The following ASCC1 variants were observed in gnomAD, a reference collection of about 807,000 sequenced individuals.
ASCC1 encodes activating signal cointegrator 1 complex subunit 1.
ASCC1 carries 35 observed loss-of-function variants against 46.6 expected under a neutral mutation model. The observed-to-expected ratio is 0.75, with a 90% CI of 0.57 to 0.99. The LOEUF (loss-of-function observed/expected upper bound fraction) is 0.99, where lower values mean the gene tolerates loss of function less well. ASCC1 is among the 50% of genes least tolerant of loss of function. The pLI is 0.00. For synonymous variants in ASCC1, 143 were observed against 146.6 expected, an observed-to-expected ratio of 0.98 and a Z score of 0.18; for missense variants, 376 against 428.7, an observed-to-expected ratio of 0.88 and a Z score of 1.09.
intron 9 of ASCC1, among the ~76,000 whole-genome samples, chr10:72,115,754 T>G (rs1280289732): frequency 6.6e-6 from 1 of 152,142 alleles, no homozygotes; most frequent in Non-Finnish European, 1.5e-5. Flanking sequence ...AGAGAATAAA[T>G]AGGGACTAGT....
At chr10:72,102,778 C>T (rs1475946376) in intron 9 of ASCC1, 8 of 348,216 alleles carry the variant, frequency 2.3e-5, no homozygotes, top group African/African-American at 4.3e-5. Flanking sequence ...AGCTCAAGAC[C>T]AGCCTGGCCA....
chr10:72,215,123 G>A (rs938520546), intron 1 of ASCC1, among the ~76,000 whole-genome samples: 1 of 152,170 alleles, frequency 6.6e-6, no homozygotes, highest in Non-Finnish European at 1.5e-5. Context: ...TCAAGCCAAC[G>A]TGGGCGCGGT....
chr10:72,121,698 C>T (rs1203696091), intron 9 of ASCC1, among the ~76,000 whole-genome samples: 2 of 152,110 alleles, frequency 1.3e-5, no homozygotes, highest in Non-Finnish European at 1.5e-5. Context: ...TCCAAGAAGA[C>T]CTAACAATCC....
rs112465747 is a variant in ASCC1, at chr10:72,141,796, T to C, written c.747-8615A>G. On this transcript the variant is annotated intron_variant, in intron 7 of 9. Coordinates refer to ENST00000672957, the MANE Select transcript of ASCC1 (RefSeq NM_001198800.3). ...TGCCTGGTACTTTGTAGATACTAAA[T>C]TATTTATTTTTGGATATTTATCTTT... Among the ~76,000 whole-genome samples, 522 of 152,336 alleles carry C rather than the reference T, an allele frequency of 3.4e-3. 8 individuals carry two copies. The highest frequency in any genetic ancestry group is 0.011 in the African/African-American group (477 of 41,586).
chr10:72,174,415 T>G (rs933376590), intron 5 of ASCC1, among the ~76,000 whole-genome samples: 2 of 152,202 alleles, frequency 1.3e-5, no homozygotes, highest in Non-Finnish European at 2.9e-5. Context: ...TGGTCCATCA[T>G]GAAGCATTCT....
chr10:72,163,045 T>C (rs193182068), intron 5 of ASCC1, among the ~76,000 whole-genome samples: 1 of 152,094 alleles, frequency 6.6e-6, no homozygotes, highest in Admixed American at 6.5e-5. Context: ...CATTAGTCAC[T>C]TAGGGAAATG....
At chr10:72,188,537 G>A (rs112405195) in intron 5 of ASCC1, among the ~76,000 whole-genome samples, 11 of 152,218 alleles carry the variant, frequency 7.2e-5, no homozygotes, top group African/African-American at 2.4e-4. Context: ...AGGAGAAAGG[G>A]AAAGGGAAGG....
intron 3 of ASCC1, chr10:72,204,295 A>T: frequency 1.9e-6 from 2 of 1,036,228 alleles, no homozygotes; most frequent in South Asian, 1.7e-5. Context: ...AAAAATTAGA[A>T]TATCTGAGGA....
Position 72,097,156 on chromosome 10 carries a change from T to C in ASCC1, c.*178A>G, listed in dbSNP as rs1490742747. 1 of 700,954 alleles carries C rather than the reference T, an allele frequency of 1.4e-6. No homozygotes were observed. The highest frequency in any genetic ancestry group is 2.8e-5 in the East Asian group (1 of 36,342). The allele number at this position is 700,954 out of a possible 1,614,324, so 43.4% of individuals were successfully genotyped here. On this transcript the variant is annotated 3_prime_UTR_variant, in exon 10 of 10. Transcript: ENST00000672957. ...CAAATTCTCCTTATGCCCACCACCATCTCAGCTGGTAGTATGACGGGTGTA... is the reference window on the plus strand; with the variant it reads ...CAAATTCTCCTTATGCCCACCACCACCTCAGCTGGTAGTATGACGGGTGTA...
chr10:72,214,072 G>A (rs1024502442), intron 1 of ASCC1, among the ~76,000 whole-genome samples: 7 of 151,550 alleles, frequency 4.6e-5, no homozygotes, highest in African/African-American at 1.7e-4. Context: ...AGAGAAAAGG[G>A]CCAGGCATGG....
chr10:72,153,419 TTTTG>T (rs201214513), intron 6 of ASCC1, among the ~76,000 whole-genome samples: 3,732 of 151,774 alleles, frequency 0.025, 182 homozygotes, highest in African/African-American at 0.087. Flanking sequence ...TTATTTACTT[TTTTG>T]TTTGTTTGTT....
At chr10:72,161,705 C>G (rs751992682) in intron 5 of ASCC1, 31 bp from the exon 6 acceptor site, 1 of 1,613,786 alleles carries the variant, frequency 6.2e-7, no homozygotes, top group South Asian at 1.1e-5. Flanking sequence ...ACAAGAAACT[C>G]AGCCCATACA....
chr10:72,153,647 C>G (rs1025060273), intron 6 of ASCC1, among the ~76,000 whole-genome samples: 2 of 151,742 alleles, frequency 1.3e-5, no homozygotes, highest in Non-Finnish European at 2.9e-5. Flanking sequence ...AGGATGGCCT[C>G]GATCTCCTGA....
At chr10:72,188,915 G>A (rs904018131) in intron 5 of ASCC1, among the ~76,000 whole-genome samples, 8 of 152,004 alleles carry the variant, frequency 5.3e-5, no homozygotes, top group African/African-American at 1.9e-4. Context: ...TGCCACCACT[G>A]CGAGCTAATT....
chr10:72,098,716 A>C (rs534419709), intron 9 of ASCC1, among the ~76,000 whole-genome samples: 1 of 152,376 alleles, frequency 6.6e-6, no homozygotes, highest in African/African-American at 2.4e-5. Flanking sequence ...AACTTTATAA[A>C]GCCCAGTAAA....
chr10:72,143,191 A>G (rs1847238431), intron 7 of ASCC1, among the ~76,000 whole-genome samples: 1 of 151,676 alleles, frequency 6.6e-6, no homozygotes, highest in Admixed American at 6.6e-5. Context: ...AAGGTATTAA[A>G]TGTGTTATTA....
At chr10:72,112,085 GT>G (rs1033781014) in intron 9 of ASCC1, among the ~76,000 whole-genome samples, 7 of 152,322 alleles carry the variant, frequency 4.6e-5, no homozygotes, top group South Asian at 2.1e-4. Context: ...AACTAAAACG[GT>G]TTTATTTGGT....
rs1365963829 is a variant in ASCC1 at position 72,111,833 on chromosome 10, G to A, written c.958-14383C>T. Among the ~76,000 whole-genome samples, 4 of 152,138 alleles carry A rather than the reference G, an allele frequency of 2.6e-5. No individual in the cohort carries two copies. The East Asian group carries it at 5.8e-4, about 22-fold the overall frequency. ...ATTTTTTTGTATTTTTAGTAGAGAC[G>A]GGGTTTCACTGTGTTAGCCAGGATG... On this transcript the variant is annotated intron_variant, in intron 9 of 9. Transcript: ENST00000672957.
rs1851355908 is a variant in ASCC1, at chr10:72,172,848, TAATA to T, written c.490-11178_490-11175del. 2.2e-5 allele frequency among the ~76,000 whole-genome samples: 3 copies of T among 133,778 alleles called. No individual in the cohort carries two copies. The East Asian group carries it at 6.0e-4, about 27-fold the overall frequency. The allele number at this position is 133,778 out of a possible 152,430, so 87.8% of individuals were successfully genotyped here. A position where few individuals can be genotyped will look rare whatever the true frequency, so the allele number is the denominator to read the frequency against. On this transcript the variant is annotated intron_variant, in intron 5 of 9. Coordinates refer to ENST00000672957, the MANE Select transcript of ASCC1 (RefSeq NM_001198800.3). Reference sequence around the variant, plus strand: ...ATATTTTATATTTTTATATTATATATAATATTTTTATATTATATATATTATATAT... The same window carrying T: ...ATATTTTATATTTTTATATTATATATTTTTTATATTATATATATTATATAT...
Sources: allele counts gnomAD v4.1 joint callset (sites outside exome capture counted in the v4.1 genomes callset), GRCh38; gene constraint gnomAD v4.1.1; transcripts MANE v1.5; gene names NCBI Gene and HGNC (gene_info 2026-07-23, HGNC 2026-07-21).